Variants in CDK5RAP2 observed in about 807,000 individuals in gnomAD.
CDK5RAP2 encodes the protein CDK5 regulatory subunit-associated protein 2.
A neutral mutation model predicts 232.9 loss-of-function variants in CDK5RAP2; 147 were observed. The ratio of observed to expected loss-of-function variants is 0.63; its 90% confidence interval spans 0.55 to 0.72. CDK5RAP2 has a LOEUF of 0.72. Ranked by LOEUF, CDK5RAP2 falls within the 30% of genes least tolerant of loss-of-function variation. CDK5RAP2 has a pLI of 0.00. For synonymous variants in CDK5RAP2, 833 were observed against 833.7 expected, an observed-to-expected ratio of 1.00 and a Z score of 0.01; for missense variants, 2,195 against 2,231.5, an observed-to-expected ratio of 0.98 and a Z score of 0.33.
intron 12 of CDK5RAP2, among the ~76,000 whole-genome samples, chr9:120,514,699 G>T (rs1371248198): frequency 6.6e-6 from 1 of 152,154 alleles, no homozygotes; most frequent in African/African-American, 2.4e-5. Context: ...GCCAAACTTA[G>T]TTCAAGCTAG....
chr9:120,518,493 C>A lies in CDK5RAP2; in HGVS notation c.1245G>T (p.Arg415Ser). 1.2e-6 allele frequency: 2 copies of A among 1,613,726 alleles called. No homozygotes were observed. The highest frequency in any genetic ancestry group is 1.7e-6 in the Non-Finnish European group (2 of 1,179,940). ...TQELSDLQQE[R>S]ERLEKDLEEA... ...CCTCCAGGTCCTTCTCCAGTCTCTC[C>A]CTCTCCTGCTGCAAGTCACTCAGCT... Residue 415 changes from arginine to serine, a missense_variant, in exon 12 of 38, where the codon AGG (arginine) becomes AGT (serine). Transcript: ENST00000349780.
At chr9:120,493,916 ACT>A (rs1483894500) in intron 12 of CDK5RAP2, among the ~76,000 whole-genome samples, 2 of 152,096 alleles carry the variant, frequency 1.3e-5, no homozygotes, top group Non-Finnish European at 2.9e-5. Context: ...ACATGGCGAA[ACT>A]CTGTCTCCAT....
At chr9:120,558,121 TC>T (rs1188477915) in intron 3 of CDK5RAP2, among the ~76,000 whole-genome samples, 1 of 140,672 alleles carries the variant, frequency 7.1e-6, no homozygotes, top group Non-Finnish European at 1.5e-5. Flanking sequence ...ACGCCTGTAA[TC>T]CCAGCACTTT....
intron 31 of CDK5RAP2, 171 bp from the exon 32 acceptor site, chr9:120,407,419 C>A: frequency 1.5e-6 from 1 of 654,028 alleles, no homozygotes; most frequent in Non-Finnish European, 2.8e-6. Context: ...TATTGGCAGA[C>A]TTAATTGCTG....
chr9:120,474,744 A>G (rs1021474781), intron 15 of CDK5RAP2, among the ~76,000 whole-genome samples: 1 of 152,254 alleles, frequency 6.6e-6, no homozygotes, highest in Non-Finnish European at 1.5e-5. Context: ...TGAAAGGATC[A>G]GCCACATTCT....
intron 11 of CDK5RAP2, among the ~76,000 whole-genome samples, chr9:120,521,368 C>T (rs1332254661): frequency 6.6e-6 from 1 of 152,160 alleles, no homozygotes; most frequent in African/African-American, 2.4e-5. Flanking sequence ...GTCCCCACCC[C>T]AATCTCATCC....
intron 12 of CDK5RAP2, among the ~76,000 whole-genome samples, chr9:120,506,673 GACTTT>G (rs1380183872): frequency 6.6e-6 from 1 of 152,200 alleles, no homozygotes; most frequent in African/African-American, 2.4e-5. Context: ...AGGGATTCAA[GACTTT>G]ACTTCACTGC....
rs2037030585 is a variant in CDK5RAP2 at position 120,460,615 on chromosome 9, T to A, written c.2159A>T (p.Glu720Val). 1 of 1,614,052 alleles carries A rather than the reference T, an allele frequency of 6.2e-7. No individual in the cohort carries two copies. The highest frequency in any genetic ancestry group is 8.5e-7 in the Non-Finnish European group (1 of 1,180,038). ...EDTIKIGEDD[E>V]INFLSDQHLQ... is the part of the protein sequence containing the mutation. ...ATGCTGGTCACTCAGGAAATTAATC[T>A]CGTCATCCTCCCCAATTTTGATCGT... The change falls in exon 19 of 38, where the codon GAG (glutamate) becomes GTG (valine). Residue 720 changes from glutamate (E) to valine (V), a missense_variant. Transcript: ENST00000349780.
intron 12 of CDK5RAP2, among the ~76,000 whole-genome samples, chr9:120,506,971 G>A (rs191393316): frequency 6.6e-6 from 1 of 152,168 alleles, no homozygotes; most frequent in Non-Finnish European, 1.5e-5. Context: ...TGGGTAAAAT[G>A]CTACAAACAG....
At chr9:120,400,698 C>G (rs1180566864) in intron 35 of CDK5RAP2, 44 bp downstream of exon 35, 1 of 1,610,266 alleles carries the variant, frequency 6.2e-7, no homozygotes, top group African/African-American at 1.3e-5. Context: ...AGACACAGGC[C>G]CCAGTGGCAT....
rs940685877 is a variant in CDK5RAP2, at chr9:120,467,880, C to T, written c.2086G>A (p.Ala696Thr). Residue 696 changes from alanine (A) to threonine (T), a missense_variant, in exon 18 of 38, where the codon GCG becomes ACG. Ala to Thr is a moderately conservative substitution (Grantham distance 58). Coordinates refer to ENST00000349780, the MANE Select transcript of CDK5RAP2 (RefSeq NM_018249.6). ...CTTACCTCTGTTTGTTCTGTAGACG[C>T]AAGTCTATCTGGAAACCCATTTCCC... ...FQGNGFPDRL[A>T]STEQTELLAS... The T allele has an allele frequency of 6.2e-7, 1 of 1,614,024 alleles. No individual in the cohort carries two copies. Among genetic ancestry groups the T allele is most frequent in the African/African-American group, 1.3e-5 (1 of 74,920 alleles).
In CDK5RAP2 at chr9:120,488,315, C is replaced by T. The variant is rs71509523; in HGVS notation, c.1483-878G>A. 8.6e-3 allele frequency among the ~76,000 whole-genome samples: 1,306 copies of T among 152,230 alleles called. 15 individuals carry two copies. The highest frequency in any genetic ancestry group is 9.7e-3 in the Non-Finnish European group (660 of 68,010). ...ACCCATTGAACTGTAATAGAAAGAACTAGGAATCAAATAACCAATACTGAC... is the reference window on the plus strand; with the variant it reads ...ACCCATTGAACTGTAATAGAAAGAATTAGGAATCAAATAACCAATACTGAC... On this transcript the variant is annotated intron_variant, in intron 13 of 37. Transcript: ENST00000349780.
chr9:120,518,584 G>A lies in CDK5RAP2; in HGVS notation c.1154C>T (p.Ser385Leu), dbSNP rs1405652731. The change falls in exon 12 of 38, where the codon TCA becomes TTA. Residue 385 changes from serine to leucine, a missense_variant. Transcript: ENST00000349780. ...GKEALSAALR[S>L]QNLTKSTENH... ...CTCTGTACTCTTGGTGAGGTTTTGT[G>A]AGCGCAGCGCAGCCGAAAGGGCTTC... The A allele has an allele frequency of 3.1e-6, 5 of 1,613,728 alleles. No homozygotes were observed. The East Asian group carries it at 6.7e-5, about 22-fold the overall frequency.
chr9:120,428,616 T>C (rs913412961), intron 25 of CDK5RAP2, among the ~76,000 whole-genome samples: 1 of 152,282 alleles, frequency 6.6e-6, no homozygotes, highest in East Asian at 1.9e-4. Flanking sequence ...CAATAATCAA[T>C]AGCTTACCAA....
intron 14 of CDK5RAP2, among the ~76,000 whole-genome samples, chr9:120,482,387 T>C (rs1240364671): frequency 6.6e-6 from 1 of 152,160 alleles, no homozygotes; most frequent in Non-Finnish European, 1.5e-5. Flanking sequence ...CAGGCCACCA[T>C]TCTCCTCAGC....
intron 12 of CDK5RAP2, among the ~76,000 whole-genome samples, chr9:120,491,753 A>G (rs931546997): frequency 6.6e-6 from 1 of 152,194 alleles, no homozygotes; most frequent in Non-Finnish European, 1.5e-5. Context: ...ACAACAGAGA[A>G]ATAATTATAA....
intron 3 of CDK5RAP2, among the ~76,000 whole-genome samples, chr9:120,555,703 G>T (rs1293834202): frequency 6.6e-6 from 1 of 152,130 alleles, no homozygotes; most frequent in Non-Finnish European, 1.5e-5. Flanking sequence ...CCACTCCTAG[G>T]TATTTATCCT....
chr9:120,538,080 T>C (rs1201932792), intron 6 of CDK5RAP2, among the ~76,000 whole-genome samples: 1 of 152,220 alleles, frequency 6.6e-6, no homozygotes, highest in Non-Finnish European at 1.5e-5. Context: ...CAGGAGAACC[T>C]TCATGTGGTT....
intron 35 of CDK5RAP2, among the ~76,000 whole-genome samples, chr9:120,397,571 A>AAAAAAAAAAAAAAAC (rs2032618914): frequency 7.2e-6 from 1 of 139,686 alleles, no homozygotes; most frequent in Non-Finnish European, 1.5e-5. Context: ...AAAAAGAAAA[A>AAAAAAAAAAAAAAAC]AGAAAAAAAA....
Sources: gnomAD v4.1 joint callset for allele counts (sites outside exome capture counted in the v4.1 genomes callset) on GRCh38, gnomAD v4.1.1 for gene constraint, MANE v1.5 for transcripts, NCBI Gene and HGNC (gene_info 2026-07-23, HGNC 2026-07-21) for gene names.